Variants in TARP observed in about 807,000 individuals in gnomAD.
At chr7:38,259,957 A>G in the TARP span, 5 of 809,326 alleles carry the variant, frequency 6.2e-6, no homozygotes, top group Non-Finnish European at 9.5e-6. Flanking sequence ...TTATACAATA[A>G]TGATAGAATA....
At chr7:38,268,555 T>G in the TARP span, among the ~76,000 whole-genome samples, 1 of 151,378 alleles carries the variant, frequency 6.6e-6, no homozygotes, top group South Asian at 2.1e-4. Flanking sequence ...TCCTGAGACA[T>G]ATGAACAGAA....
chr7:38,267,951 G>C, the TARP span, among the ~76,000 whole-genome samples: 1 of 150,892 alleles, frequency 6.6e-6, no homozygotes, highest in Non-Finnish European at 1.5e-5. Flanking sequence ...CCTTTCTTTA[G>C]CTAGATTCTT....
chr7:38,265,549 A>G, the TARP span: 3 of 1,612,074 alleles, frequency 1.9e-6, no homozygotes, highest in South Asian at 3.3e-5. Context: ...TTGCCAATGT[A>G]TCTTAATAAC....
At chr7:38,261,118 A>T in the TARP span, among the ~76,000 whole-genome samples, 1 of 151,794 alleles carries the variant, frequency 6.6e-6, no homozygotes, top group African/African-American at 2.4e-5. Context: ...AATGTAGGTC[A>T]CTTACACCTA....
chr7:38,266,131 C>G, the TARP span, among the ~76,000 whole-genome samples: 1 of 151,578 alleles, frequency 6.6e-6, no homozygotes, highest in African/African-American at 2.4e-5. Flanking sequence ...ACAGATGAGA[C>G]TCTTTGGTCC....
At chr7:38,262,302 G>A in the TARP span, 3 of 1,006,212 alleles carry the variant, frequency 3.0e-6, no homozygotes, top group East Asian at 4.8e-5. Flanking sequence ...TGTCGACAGA[G>A]AGGCAGGAGG....
chr7:38,261,929 T>G, the TARP span, among the ~76,000 whole-genome samples: 1 of 151,280 alleles, frequency 6.6e-6, no homozygotes, highest in Admixed American at 6.6e-5. Flanking sequence ...TAAAATCTTT[T>G]TTTTGAAATA....
chr7:38,268,087 C>T, the TARP span, among the ~76,000 whole-genome samples: 1 of 151,120 alleles, frequency 6.6e-6, no homozygotes, highest in South Asian at 2.1e-4. Flanking sequence ...GTGGATCATC[C>T]TCTCACATGA....
At chr7:38,259,952 C>T in the TARP span, 182 of 814,620 alleles carry the variant, frequency 2.2e-4, 2 homozygotes, top group South Asian at 3.3e-3. Flanking sequence ...AACCGTTATA[C>T]AATAATGATA....
chr7:38,269,546 T>A, the TARP span: 1 of 683,892 alleles, frequency 1.5e-6, no homozygotes, highest in South Asian at 1.6e-5. Context: ...AATTCCACAG[T>A]GATTCAGTCC....
chr7:38,271,603 T>C, the TARP span, among the ~76,000 whole-genome samples: 2 of 151,448 alleles, frequency 1.3e-5, no homozygotes, highest in Admixed American at 6.6e-5. Context: ...CTTGGGGTAA[T>C]GTCTCTGTAG....
chr7:38,264,773 C>A, the TARP span, among the ~76,000 whole-genome samples: 2 of 151,566 alleles, frequency 1.3e-5, no homozygotes, highest in Non-Finnish European at 1.5e-5. Flanking sequence ...AAGCTTTGCA[C>A]ATTTGCCTCC....
At chr7:38,262,097 C>A in the TARP span, 6 of 1,290,432 alleles carry the variant, frequency 4.6e-6, no homozygotes, top group South Asian at 6.0e-5. Context: ...TAGCAAAATC[C>A]ATTCCCTGAT....
the TARP span, among the ~76,000 whole-genome samples, chr7:38,267,507 C>T: frequency 1.3e-5 from 2 of 150,760 alleles, no homozygotes; most frequent in African/African-American, 4.9e-5. Context: ...AGAAAACAGT[C>T]TTGATAATTT....
the TARP span, among the ~76,000 whole-genome samples, chr7:38,268,730 C>T: frequency 1.3e-5 from 2 of 151,826 alleles, no homozygotes; most frequent in East Asian, 1.9e-4. Context: ...TAACAAGAAA[C>T]GAATCCATAA....
the TARP span, among the ~76,000 whole-genome samples, chr7:38,263,599 C>G: frequency 6.6e-6 from 1 of 150,812 alleles, no homozygotes; most frequent in African/African-American, 2.4e-5. Flanking sequence ...ATTGACAGTT[C>G]TCTCAATAAA....
At chr7:38,264,155 TATA>T in the TARP span, among the ~76,000 whole-genome samples, 344 of 152,132 alleles carry the variant, frequency 2.3e-3, 2 homozygotes, top group East Asian at 0.02. Context: ...TCATTGATTA[TATA>T]ATATGATCAC....
At chr7:38,265,699 T>G in the TARP span, 4 of 1,509,818 alleles carry the variant, frequency 2.6e-6, no homozygotes, top group Non-Finnish European at 3.6e-6. Context: ...AAATGAAATA[T>G]GAGTTTAAAA....
At chr7:38,262,126 T>A in the TARP span, 2 of 1,559,264 alleles carry the variant, frequency 1.3e-6, no homozygotes, top group Non-Finnish European at 8.8e-7. Context: ...CCAGAGAAGT[T>A]CAAAACAAAA....
Sources: allele counts gnomAD v4.1 joint callset (sites outside exome capture counted in the v4.1 genomes callset), GRCh38; gene constraint gnomAD v4.1.1; transcripts MANE v1.5.